The following NWD2 variants were observed in gnomAD, a reference collection of about 807,000 sequenced individuals.
The protein encoded by NWD2 is NACHT and WD repeat domain containing 2.
In NWD2, 37 loss-of-function variants were observed where a neutral mutation model predicts 132.7. The observed-to-expected ratio is 0.28, with a 90% CI of 0.21 to 0.37. NWD2 has a LOEUF of 0.37. Ranked by LOEUF, NWD2 falls within the 10% of genes least tolerant of loss-of-function variation. NWD2 has a pLI of 1.00. For missense variants in NWD2, 1,592 were observed against 2,122.4 expected (o/e 0.75, Z 4.91); for synonymous variants, 705 against 803.0 (o/e 0.88, Z 2.06).
chr4:37,324,080 C>A (rs1022734423), intron 1 of NWD2, among the ~76,000 whole-genome samples: 2 of 152,054 alleles, frequency 1.3e-5, no homozygotes, highest in African/African-American at 4.8e-5. Flanking sequence ...TAAAAACCAT[C>A]AAGTACTATG....
At chr4:37,379,773 T>C (rs1577684641) in intron 3 of NWD2, among the ~76,000 whole-genome samples, 1 of 152,332 alleles carries the variant, frequency 6.6e-6, no homozygotes, top group East Asian at 1.9e-4. Flanking sequence ...AATGAAGGTG[T>C]AACTGTTCTT....
At position 37,356,348 on chromosome 4, in the gene NWD2, T is replaced by C. The variant is rs757642643; in HGVS notation, c.241-18T>C. On this transcript the variant is annotated intron_variant, in intron 2 of 6. Coordinates refer to ENST00000309447, the MANE Select transcript of NWD2 (RefSeq NM_001144990.2). ...AAGCCCACATGTAAACTAATGCTCTTCATCCATCTGTCCCCAGGTCATAGA... is the reference window on the plus strand; with the variant it reads ...AAGCCCACATGTAAACTAATGCTCTCCATCCATCTGTCCCCAGGTCATAGA... 14 of 1,359,134 alleles carry C rather than the reference T, an allele frequency of 1.0e-5. No individual in the cohort carries two copies. The highest frequency in any genetic ancestry group is 1.4e-5 in the Non-Finnish European group (14 of 990,878). 84.2% of individuals were successfully genotyped at this position (1,359,134 alleles called of 1,614,324 possible).
intron 3 of NWD2, among the ~76,000 whole-genome samples, chr4:37,395,294 G>A (rs913086449): frequency 2.0e-5 from 3 of 151,984 alleles, no homozygotes; most frequent in Admixed American, 6.5e-5. Context: ...TACTGAAGGG[G>A]CTGAGCTCAA....
intron 1 of NWD2, among the ~76,000 whole-genome samples, chr4:37,264,607 C>A (rs537852735): frequency 6.5e-4 from 99 of 151,938 alleles, no homozygotes; most frequent in Middle Eastern, 3.4e-3. Context: ...TTCATAAAAT[C>A]AAAGAAAAAT....
rs151172859 is a variant in NWD2 at position 37,316,025 on chromosome 4, T to G, written c.152-9911T>G. Among the ~76,000 whole-genome samples, 356 of 152,212 alleles carry G rather than the reference T, an allele frequency of 2.3e-3. 1 individual carries two copies. Among genetic ancestry groups the G allele is most frequent in the Non-Finnish European group, 3.2e-3 (218 of 67,922 alleles). ...TGTATGTTAAAATCCAAAGGTACAG[T>G]CTTTTCTACTAAATGTAGAAAGAAG... On this transcript the variant is annotated intron_variant, in intron 1 of 6. Coordinates refer to ENST00000309447, the MANE Select transcript of NWD2 (RefSeq NM_001144990.2).
chr4:37,275,243 A>G (rs1410098800), intron 1 of NWD2, among the ~76,000 whole-genome samples: 1 of 152,230 alleles, frequency 6.6e-6, no homozygotes, highest in Non-Finnish European at 1.5e-5. Context: ...CTCAGGATAC[A>G]AAATCAATGT....
At chr4:37,269,949 G>T (rs1302450043) in intron 1 of NWD2, among the ~76,000 whole-genome samples, 2 of 151,602 alleles carry the variant, frequency 1.3e-5, no homozygotes, top group African/African-American at 2.4e-5. Context: ...GTACCATTTT[G>T]CCCTCCCATC....
At chr4:37,280,991 GTACAGATTAGCC>G (rs879506371) in intron 1 of NWD2, among the ~76,000 whole-genome samples, 17,729 of 152,064 alleles carry the variant, frequency 0.12, 1,131 homozygotes, top group Middle Eastern at 0.15. Context: ...GGTGTCCTTT[GTACAGATTAGCC>G]TCCTGGCTGT....
At chr4:37,263,943 T>C (rs913678551) in intron 1 of NWD2, among the ~76,000 whole-genome samples, 4 of 152,186 alleles carry the variant, frequency 2.6e-5, no homozygotes, top group Non-Finnish European at 2.9e-5. Flanking sequence ...AATAATACTT[T>C]CTGGGCATCT....
At position 37,247,575 on chromosome 4, in the gene NWD2, G is replaced by A. The variant is rs541146043; in HGVS notation, c.151+2357G>A. Among the ~76,000 whole-genome samples, 6 of 152,112 alleles carry A rather than the reference G, an allele frequency of 3.9e-5. No individual in the cohort carries two copies. In the East Asian group the frequency reaches 5.8e-4, roughly 15 times the overall value. On this transcript the variant is annotated intron_variant, in intron 1 of 6. Transcript: ENST00000309447. ...TGCATGGAATTTCCCCATCGGTAAC[G>A]AAGATAATAGAATGAAATAGATAAT... is the stretch of plus-strand genomic sequence containing the variant.
chr4:37,328,318 C>T (rs564314332), intron 2 of NWD2, among the ~76,000 whole-genome samples: 1 of 152,130 alleles, frequency 6.6e-6, no homozygotes, highest in Non-Finnish European at 1.5e-5. Context: ...CATAGGTATA[C>T]ATGTACCATG....
At chr4:37,249,017 C>G (rs1717299252) in intron 1 of NWD2, among the ~76,000 whole-genome samples, 1 of 152,186 alleles carries the variant, frequency 6.6e-6, no homozygotes, top group Non-Finnish European at 1.5e-5. Flanking sequence ...ACAGAACTTT[C>G]TGTGATGCTG....
intron 2 of NWD2, among the ~76,000 whole-genome samples, chr4:37,351,308 C>T (rs1719756231): frequency 6.6e-6 from 1 of 152,094 alleles, no homozygotes; most frequent in African/African-American, 2.4e-5. Flanking sequence ...CCATCTGGTC[C>T]TGGACTTTTT....
chr4:37,299,341 C>T (rs1200252914), intron 1 of NWD2, among the ~76,000 whole-genome samples: 2 of 152,242 alleles, frequency 1.3e-5, no homozygotes, highest in East Asian at 3.9e-4. Flanking sequence ...AAGGAAGTTT[C>T]GCTCACTGTC....
intron 1 of NWD2, among the ~76,000 whole-genome samples, chr4:37,310,519 C>A (rs1483382279): frequency 6.6e-6 from 1 of 152,078 alleles, no homozygotes; most frequent in African/African-American, 2.4e-5. Flanking sequence ...CTTTATTGCA[C>A]TGACCAGAAC....
In NWD2 at chr4:37,446,683, G is replaced by C. The variant is rs765501466; in HGVS notation, c.4695G>C (p.Gly1565=). 1 of 1,551,466 alleles carries C rather than the reference G, an allele frequency of 6.4e-7. No homozygotes were observed. Among genetic ancestry groups the C allele is most frequent in the South Asian group, 1.2e-5 (1 of 84,020 alleles). The change falls in exon 7 of 7, where the codon GGG becomes GGC. Residue 1565 remains glycine, a synonymous_variant. Coordinates refer to ENST00000309447, the MANE Select transcript of NWD2 (RefSeq NM_001144990.2). The surrounding 1 kb of genome is among the most constrained non-coding windows in gnomAD (Gnocchi z 6.7). ...SGKLRVVHAS[G]IIWRQRLSRD... Reference sequence around the variant, plus strand: ...AATTGCGGGTGGTTCACGCCTCTGGGATCATCTGGCGGCAGAGGTTGTCTC... The same window carrying C: ...AATTGCGGGTGGTTCACGCCTCTGGCATCATCTGGCGGCAGAGGTTGTCTC...
intron 3 of NWD2, among the ~76,000 whole-genome samples, chr4:37,368,710 G>A (rs1720149261): frequency 6.6e-6 from 1 of 152,140 alleles, no homozygotes; most frequent in Non-Finnish European, 1.5e-5. Flanking sequence ...TACTTTGATT[G>A]TCCAGAGACC....
chr4:37,272,604 A>C (rs1321382081), intron 1 of NWD2, among the ~76,000 whole-genome samples: 1 of 151,724 alleles, frequency 6.6e-6, no homozygotes, highest in African/African-American at 2.4e-5. Context: ...TATATATAGG[A>C]TGCCTAGTGG....
chr4:37,406,703 G>A (rs573212545), intron 3 of NWD2, among the ~76,000 whole-genome samples: 62 of 152,196 alleles, frequency 4.1e-4, no homozygotes, highest in African/African-American at 6.5e-4. Flanking sequence ...TTTGAGACCC[G>A]CCTGACCAAC....
Sources: gnomAD v4.1 joint callset for allele counts (sites outside exome capture counted in the v4.1 genomes callset) on GRCh38, gnomAD v4.1.1 for gene constraint, Gnocchi (gnomAD v3.1) non-coding constraint, MANE v1.5 for transcripts, NCBI Gene and HGNC (gene_info 2026-07-23, HGNC 2026-07-21) for gene names.